The following MROH7 variants were observed in gnomAD, a reference collection of about 807,000 sequenced individuals.
The protein encoded by MROH7 is maestro heat-like repeat-containing protein family member 7.
MROH7 carries 113 observed loss-of-function variants against 129.2 expected under a neutral mutation model. The observed-to-expected ratio is 0.87, with a 90% confidence interval of 0.75 to 1.02. The LOEUF (loss-of-function observed/expected upper bound fraction) is 1.02. Among genes scored for constraint, MROH7 ranks in the 50% least tolerant of loss-of-function variants. MROH7 has a pLI of 0.00. For synonymous variants in MROH7, 655 were observed against 667.9 expected (o/e 0.98, Z 0.30); for missense variants, 1,601 against 1,671.3 (o/e 0.96, Z 0.73).
chr1:54,663,885 C>A, intron 3 of MROH7: 1 of 414,734 alleles, frequency 2.4e-6, no homozygotes, highest in Non-Finnish European at 4.7e-6. Context: ...GCTGTGTTCA[C>A]TACAATTGGT....
intron 13 of MROH7, 93 bp downstream of exon 13, chr1:54,680,138 C>T: frequency 8.3e-7 from 1 of 1,199,826 alleles, no homozygotes. Flanking sequence ...CAGATAAGCC[C>T]CTCGCCCTCC....
chr1:54,687,063 T>TATTC, intron 15 of MROH7, among the ~76,000 whole-genome samples: 1 of 151,144 alleles, frequency 6.6e-6, no homozygotes, highest in Non-Finnish European at 1.5e-5. Flanking sequence ...TTTATTTATT[T>TATTC]ATTTATTTAT....
chr1:54,677,407 C>CAAACA (rs961983336), intron 10 of MROH7, among the ~76,000 whole-genome samples: 11 of 152,156 alleles, frequency 7.2e-5, no homozygotes, highest in South Asian at 4.1e-4. Flanking sequence ...TCAAAACAAA[C>CAAACA]AAACAAAACA....
At chr1:54,673,338 G>A in intron 8 of MROH7, 152 bp downstream of exon 8, 1 of 648,994 alleles carries the variant, frequency 1.5e-6, no homozygotes, top group Admixed American at 2.5e-5. Context: ...TGTCTCACAG[G>A]CCCTGTCCCA....
In MROH7 at chr1:54,654,133, G is replaced by A. The variant is rs554894135; in HGVS notation, c.1207G>A (p.Val403Met). The A allele has an allele frequency of 4.3e-5, 69 of 1,611,682 alleles. No homozygotes were observed. Among genetic ancestry groups the A allele is most frequent in the Non-Finnish European group, 5.3e-5 (62 of 1,178,872 alleles). Residue 403 changes from valine (V) to methionine (M), a missense_variant, in exon 3 of 24, where the codon GTG becomes ATG. Transcript: ENST00000421030. Reference protein sequence around the residue: ...PISNPAGKDAVTLQGIPEGAF... With the variant: ...PISNPAGKDAMTLQGIPEGAF... The stretch of plus-strand genomic sequence containing the variant: ...CTCCAACCCCGCAGGCAAGGACGCC[G>A]TGACCTTGCAAGGCATCCCTGAGGG...
intron 19 of MROH7, 134 bp from the exon 20 acceptor site, chr1:54,701,956 A>T: frequency 1.5e-6 from 1 of 676,650 alleles, no homozygotes; most frequent in Non-Finnish European, 2.3e-6. Context: ...CTTTTAGGTT[A>T]GTGGGGGTCT....
rs1030895859 is a variant in MROH7, at chr1:54,675,349, C to T, written c.1936+1198C>T. 2.2e-4 allele frequency among the ~76,000 whole-genome samples: 33 copies of T among 152,300 alleles called. No individual in the cohort carries two copies. In the Middle Eastern group the frequency reaches 0.014, roughly 63 times the overall value. On this transcript the variant is annotated intron_variant, in intron 10 of 23. Coordinates refer to ENST00000421030, the MANE Select transcript of MROH7 (RefSeq NM_001039464.4). ...ATGTAAAGGTACTAGCTCAGTGCCACACATTATAGGCACTTGTCATGTAGT... is the reference window on the plus strand; with the variant it reads ...ATGTAAAGGTACTAGCTCAGTGCCATACATTATAGGCACTTGTCATGTAGT...
chr1:54,708,555 A>C (rs1042617027), intron 22 of MROH7, among the ~76,000 whole-genome samples: 5 of 152,172 alleles, frequency 3.3e-5, no homozygotes, highest in African/African-American at 9.7e-5. Context: ...GCATCAGAGG[A>C]GTCATCAGAA....
chr1:54,655,729 T>C (rs532265796), intron 3 of MROH7, among the ~76,000 whole-genome samples: 2 of 152,086 alleles, frequency 1.3e-5, no homozygotes, highest in South Asian at 4.2e-4. Context: ...GGGATTTTTT[T>C]AGGGCCTCAA....
At position 54,653,999 on chromosome 1, in the gene MROH7, A is replaced by T; in HGVS notation, c.1073A>T (p.Asp358Val). ...ACCTTGACGCTGAGCAGTCAGCAGGATGATGCCAAGGACAACAGCATCCAC... is the reference window on the plus strand; with the variant it reads ...ACCTTGACGCTGAGCAGTCAGCAGGTTGATGCCAAGGACAACAGCATCCAC... Reference protein sequence around the residue: ...TSTLTLSSQQDDAKDNSIHTV... With the variant: ...TSTLTLSSQQVDAKDNSIHTV... Residue 358 changes from aspartate to valine, a missense_variant, in exon 3 of 24, where the codon GAT (aspartate) becomes GTT (valine). Coordinates refer to ENST00000421030, the MANE Select transcript of MROH7 (RefSeq NM_001039464.4). 6.2e-7 allele frequency: 1 copy of T among 1,614,206 alleles called. No homozygotes were observed. The highest frequency in any genetic ancestry group is 8.5e-7 in the Non-Finnish European group (1 of 1,180,038).
Position 54,682,810 on chromosome 1 carries a change from G to T in MROH7, c.2520+16G>T. 6.2e-7 allele frequency: 1 copy of T among 1,606,832 alleles called. No homozygotes were observed. The highest frequency in any genetic ancestry group is 8.5e-7 in the Non-Finnish European group (1 of 1,178,772). ...GCCCCTGGCGGTGAGCACCCAGTCA[G>T]CCAGCCCCTATTGCTGCCTGTCCTG... is the stretch of plus-strand genomic sequence containing the variant. On this transcript the variant is annotated intron_variant, in intron 14 of 23. Coordinates refer to ENST00000421030, the MANE Select transcript of MROH7 (RefSeq NM_001039464.4).
intron 1 of MROH7, 139 bp from the exon 2 acceptor site, chr1:54,651,810 C>CTCTGTGTGTGTGTGTGTG (rs148778686): frequency 7.1e-6 from 1 of 141,526 alleles, no homozygotes; most frequent in African/African-American, 2.8e-5. Flanking sequence ...CTCTCTCTCT[C>CTCTGTGTGTGTGTGTGTG]TGTGTGTGTG....
At chr1:54,694,204 G>C (rs1645285313) in intron 16 of MROH7, among the ~76,000 whole-genome samples, 1 of 152,174 alleles carries the variant, frequency 6.6e-6, no homozygotes, top group African/African-American at 2.4e-5. Flanking sequence ...TATTATCCCA[G>C]CATTATACAT....
intron 17 of MROH7, 105 bp downstream of exon 17, chr1:54,695,595 C>T (rs759903401): frequency 3.9e-6 from 3 of 775,474 alleles, no homozygotes; most frequent in Non-Finnish European, 6.8e-6. Flanking sequence ...TTTACAAAGC[C>T]TTCCCATGGG....
intron 15 of MROH7, 144 bp from the exon 16 acceptor site, chr1:54,692,280 C>A: frequency 2.0e-6 from 2 of 988,996 alleles, no homozygotes; most frequent in Non-Finnish European, 1.5e-6. Flanking sequence ...AAAAAGCCAC[C>A]CTTTGTGGAT....
In MROH7 at chr1:54,702,732, T is replaced by TTC. The variant is rs1195786565; in HGVS notation, c.3552_3553insCT (p.Cys1185LeufsTer6). ...AACCAACAGCAGACAGTGGCCAAAA[T>TTC]TTGCAAGTGCCTTGTGAGTGCTCCC... On this transcript the variant is annotated frameshift_variant, in exon 21 of 24. Coordinates refer to ENST00000421030, the MANE Select transcript of MROH7 (RefSeq NM_001039464.4). LOFTEE classifies it high-confidence loss of function. 1.2e-6 allele frequency: 2 copies of TTC among 1,612,844 alleles called. No individual in the cohort carries two copies. Among genetic ancestry groups the TTC allele is most frequent in the Non-Finnish European group, 1.7e-6 (2 of 1,179,452 alleles).
intron 4 of MROH7, among the ~76,000 whole-genome samples, 172 bp from the exon 5 acceptor site, chr1:54,668,682 C>T (rs772768290): frequency 4.9e-4 from 74 of 152,282 alleles, no homozygotes; most frequent in Middle Eastern, 3.4e-3. Flanking sequence ...CCTCAATATT[C>T]TCCAATCTTT....
intron 13 of MROH7, among the ~76,000 whole-genome samples, chr1:54,681,324 T>TAA (rs1421085627): frequency 1.3e-5 from 2 of 152,186 alleles, no homozygotes; most frequent in Non-Finnish European, 2.9e-5. Context: ...TGCCCTGGCT[T>TAA]AAATGGCACA....
chr1:54,676,211 TTTTTTAGCAGGCAAGAAC>T (rs1206937879), intron 10 of MROH7, among the ~76,000 whole-genome samples: 1 of 152,196 alleles, frequency 6.6e-6, no homozygotes, highest in African/African-American at 2.4e-5. Flanking sequence ...ATTTTTTTCT[TTTTTTAGCAGGCAAGAAC>T]CATACTCTTA....
Sources: allele counts gnomAD v4.1 joint callset (sites outside exome capture counted in the v4.1 genomes callset), GRCh38; gene constraint gnomAD v4.1.1; transcripts MANE v1.5; gene names NCBI Gene and HGNC (gene_info 2026-07-23, HGNC 2026-07-21).